The following DDX42 variants were observed in gnomAD, a reference collection of about 807,000 sequenced individuals.
DDX42 encodes ATP-dependent RNA helicase DDX42.
In DDX42, 22 loss-of-function variants were observed where a neutral mutation model predicts 101.5. The observed-to-expected ratio is 0.22, with a 90% CI of 0.15 to 0.31. DDX42 has a LOEUF of 0.31. Ranked by LOEUF, DDX42 falls within the 10% of genes least tolerant of loss-of-function variation. The pLI, the probability that DDX42 is intolerant of heterozygous loss-of-function variation, is 1.00. For synonymous variants in DDX42, 402 were observed against 401.2 expected (o/e 1.00, Z -0.02); for missense variants, 849 against 1,199.9 (o/e 0.71, Z 4.32).
At position 63,808,758 on chromosome 17, in the gene DDX42, T is replaced by G. The variant is rs536451955; in HGVS notation, c.1024-62T>G. 2.3e-5 allele frequency: 37 copies of G among 1,588,386 alleles called. 1 individual carries two copies. In the South Asian group the frequency reaches 4.2e-4, roughly 18 times the overall value. ...ACATTCTGTTTTTCAGAACTTCGTT[T>G]GGGTTGTGACAGGTATTTGTTAGTG... is the stretch of plus-strand genomic sequence containing the variant. On this transcript the variant is annotated intron_variant, in intron 9 of 17. Transcript: ENST00000389924.
intron 1 of DDX42, among the ~76,000 whole-genome samples, chr17:63,780,616 C>A (rs761973566): frequency 1.3e-5 from 2 of 152,154 alleles, no homozygotes; most frequent in Non-Finnish European, 2.9e-5. Context: ...CCTTGGCCTT[C>A]CTAGAGTCAG....
chr17:63,817,226 C>T (rs955705288), intron 17 of DDX42: 6 of 432,934 alleles, frequency 1.4e-5, no homozygotes, highest in Non-Finnish European at 2.5e-5. Flanking sequence ...TGTGTGTTCC[C>T]TCCCTTCCCA....
In DDX42 at chr17:63,815,680, C is replaced by G; in HGVS notation, c.2013+7C>G. 6.3e-7 allele frequency: 1 copy of G among 1,589,454 alleles called. No homozygotes were observed. Among genetic ancestry groups the G allele is most frequent in the Non-Finnish European group, 8.6e-7 (1 of 1,159,250 alleles). On this transcript the variant is annotated splice_region_variant and intron_variant, in intron 16 of 17. Coordinates refer to ENST00000389924, the MANE Select transcript of DDX42 (RefSeq NM_203499.3). ...CCTGGGCTCTGAGAACATGGTGAGT[C>G]TAGACTACTACAGTAGTGCCTTTAT...
chr17:63,783,434 G>C (rs1360390062), intron 1 of DDX42, among the ~76,000 whole-genome samples: 1 of 152,146 alleles, frequency 6.6e-6, no homozygotes, highest in Non-Finnish European at 1.5e-5. Flanking sequence ...GGAAAAATGA[G>C]ATTAAAATTG....
At chr17:63,792,382 C>T (rs780547627) in intron 2 of DDX42, 30 bp from the exon 3 acceptor site, 3 of 1,602,614 alleles carry the variant, frequency 1.9e-6, no homozygotes, top group Middle Eastern at 1.7e-4. Flanking sequence ...AGTAAGCATT[C>T]ACTTTACCAG....
intron 6 of DDX42, among the ~76,000 whole-genome samples, chr17:63,802,541 G>C (rs986393571): frequency 1.3e-5 from 2 of 152,236 alleles, no homozygotes; most frequent in Non-Finnish European, 2.9e-5. Flanking sequence ...GCTGAGGCGG[G>C]TAGATCGCTT....
chr17:63,817,561 G>A, intron 17 of DDX42, 133 bp from the exon 18 acceptor site: 2 of 806,552 alleles, frequency 2.5e-6, no homozygotes, highest in South Asian at 3.7e-5. Flanking sequence ...CATACTGTGG[G>A]GCCATCAGGA....
At chr17:63,802,338 T>C (rs2039781300) in intron 6 of DDX42, among the ~76,000 whole-genome samples, 1 of 152,260 alleles carries the variant, frequency 6.6e-6, no homozygotes, top group South Asian at 2.1e-4. Context: ...ATGATAGCCA[T>C]TTCAAGGAAA....
chr17:63,808,042 A>T (rs1394872481), intron 9 of DDX42, 142 bp downstream of exon 9: 2 of 788,242 alleles, frequency 2.5e-6, no homozygotes, highest in Non-Finnish European at 3.9e-6. Flanking sequence ...ACCATTTTTA[A>T]TGTACAGTTC....
chr17:63,786,207 A>G (rs777535087), intron 1 of DDX42, among the ~76,000 whole-genome samples: 1 of 152,196 alleles, frequency 6.6e-6, no homozygotes, highest in Non-Finnish European at 1.5e-5. Context: ...CATGGTGTGT[A>G]TCTGAAATAC....
intron 15 of DDX42, among the ~76,000 whole-genome samples, chr17:63,814,564 C>A (rs1343015386): frequency 6.6e-6 from 1 of 151,600 alleles, no homozygotes; most frequent in African/African-American, 2.4e-5. Flanking sequence ...GTACCTCAGG[C>A]TTTCTGTGCT....
At chr17:63,794,892 C>T (rs1219663193) in intron 3 of DDX42, among the ~76,000 whole-genome samples, 4 of 148,850 alleles carry the variant, frequency 2.7e-5, no homozygotes, top group Non-Finnish European at 5.9e-5. Flanking sequence ...ACCGAGATGG[C>T]GCCATTGCAC....
intron 11 of DDX42, 25 bp from the exon 12 acceptor site, chr17:63,810,488 A>T (rs763348557): frequency 1.2e-6 from 2 of 1,612,270 alleles, no homozygotes; most frequent in Admixed American, 3.3e-5. Flanking sequence ...AGGTTATAAT[A>T]ATTTTATTGT....
intron 3 of DDX42, 42 bp from the exon 4 acceptor site, chr17:63,797,995 GT>G: frequency 6.4e-7 from 1 of 1,558,854 alleles, no homozygotes; most frequent in African/African-American, 1.4e-5. Context: ...TTCTTTCAGT[GT>G]TTTTAGTTGA....
At chr17:63,783,522 A>G (rs534020958) in intron 1 of DDX42, among the ~76,000 whole-genome samples, 3 of 152,142 alleles carry the variant, frequency 2.0e-5, no homozygotes, top group Non-Finnish European at 4.4e-5. Context: ...CAGATGCTGA[A>G]ATTTTCTTGC....
rs866249635 is a variant in DDX42 at position 63,774,219 on chromosome 17, C to T, written c.-174C>T. 9.3e-5 allele frequency: 18 copies of T among 192,670 alleles called. No individual in the cohort carries two copies. The highest frequency in any genetic ancestry group is 3.5e-4 in the South Asian group (3 of 8,688). The allele number at this position is 192,670 out of a possible 1,614,324, so 11.9% of individuals were successfully genotyped here. Reference sequence around the variant, plus strand: ...GGCCGTGAGGCGGTGGCGGTGGTGGCGGTGGCGGCGGCGGTGGTGGTGGTG... The same window carrying T: ...GGCCGTGAGGCGGTGGCGGTGGTGGTGGTGGCGGCGGCGGTGGTGGTGGTG... On this transcript the variant is annotated 5_prime_UTR_variant, in exon 1 of 18. Coordinates refer to ENST00000389924, the MANE Select transcript of DDX42 (RefSeq NM_203499.3).
intron 1 of DDX42, among the ~76,000 whole-genome samples, chr17:63,775,706 G>GTA (rs1568256611): frequency 6.6e-6 from 1 of 152,156 alleles, no homozygotes; most frequent in African/African-American, 2.4e-5. Flanking sequence ...AGCTGAGGGA[G>GTA]TATTAGGAGA....
chr17:63,796,135 A>G (rs2039690047), intron 3 of DDX42, among the ~76,000 whole-genome samples: 1 of 152,164 alleles, frequency 6.6e-6, no homozygotes, highest in African/African-American at 2.4e-5. Context: ...CTAATGGGCT[A>G]TGTTTCCTAG....
chr17:63,799,350 G>A (rs1485018723), intron 4 of DDX42: 2 of 397,800 alleles, frequency 5.0e-6, no homozygotes, highest in Admixed American at 4.4e-5. Context: ...GTTGGTAACC[G>A]CTGTTTCTAG....
Sources: allele counts gnomAD v4.1 joint callset (sites outside exome capture counted in the v4.1 genomes callset), GRCh38; gene constraint gnomAD v4.1.1; transcripts MANE v1.5; gene names NCBI Gene and HGNC (gene_info 2026-07-23, HGNC 2026-07-21).